The following EEFSEC variants were observed in gnomAD, a reference collection of about 807,000 sequenced individuals.
EEFSEC encodes selenocysteine-specific elongation factor.
Under a neutral mutation model 42.1 loss-of-function variants are expected in EEFSEC, and 43 were observed. The observed-to-expected ratio is 1.02, with a 90% CI of 0.80 to 1.32. The LOEUF is 1.32. EEFSEC is among the 40% of genes most tolerant of loss of function. The pLI, the probability that EEFSEC is intolerant of heterozygous loss-of-function variation, is 0.00. For missense variants in EEFSEC, 745 were observed against 803.6 expected, an observed-to-expected ratio of 0.93 and a Z score of 0.88; for synonymous variants, 354 against 339.1, an observed-to-expected ratio of 1.04 and a Z score of -0.48.
At chr3:128,178,330 A>G (rs1319618052) in intron 1 of EEFSEC, among the ~76,000 whole-genome samples, 1 of 152,202 alleles carries the variant, frequency 6.6e-6, no homozygotes, top group Non-Finnish European at 1.5e-5. Context: ...AACTGGAAGT[A>G]GTTTTGTTAA....
intron 1 of EEFSEC, among the ~76,000 whole-genome samples, chr3:128,228,587 G>A (rs1372483895): frequency 1.3e-5 from 2 of 151,874 alleles, no homozygotes; most frequent in South Asian, 2.1e-4. Flanking sequence ...TTGGGGAGTC[G>A]GTCTCTGACC....
downstream of EEFSEC, among the ~76,000 whole-genome samples, chr3:128,409,122 G>T (rs2068156411): frequency 6.6e-6 from 1 of 152,182 alleles, no homozygotes; most frequent in Non-Finnish European, 1.5e-5. Context: ...CCAGGCTGTG[G>T]GATACTCAGG....
At chr3:128,157,225 A>G (rs1379786261) in intron 1 of EEFSEC, among the ~76,000 whole-genome samples, 1 of 152,240 alleles carries the variant, frequency 6.6e-6, no homozygotes, top group Non-Finnish European at 1.5e-5. Context: ...AGAGGTAAGG[A>G]AGCTGCAGAA....
rs990911210 is a variant in EEFSEC at position 128,264,741 on chromosome 3, C to T, written c.746C>T (p.Ser249Phe). 1.9e-6 allele frequency: 3 copies of T among 1,614,056 alleles called. No homozygotes were observed. The African/African-American group carries it at 4.0e-5, about 22-fold the overall frequency. ...ATGACAGGGACCATCCTTTCAGGCT[C>T]CATCAGCCTCGGTGACAGTGTGGAG... ...TVMTGTILSGSISLGDSVEIP... is the reference protein window; with the variant it reads ...TVMTGTILSGFISLGDSVEIP... The change falls in exon 4 of 7, where the codon TCC (serine) becomes TTC (phenylalanine). Residue 249 changes from serine to phenylalanine, a missense_variant. Physicochemically the swap from Ser to Phe is radical, Grantham distance 155. Transcript: ENST00000254730.
downstream of EEFSEC, among the ~76,000 whole-genome samples, chr3:128,411,162 G>A (rs1485336375): frequency 6.6e-6 from 1 of 152,222 alleles, no homozygotes; most frequent in Admixed American, 6.5e-5. Context: ...GGCAGGAGCT[G>A]GTGCCAGCAC....
intron 4 of EEFSEC, among the ~76,000 whole-genome samples, chr3:128,291,249 A>T (rs536949252): frequency 6.6e-6 from 1 of 152,250 alleles, no homozygotes; most frequent in South Asian, 2.1e-4. Flanking sequence ...TGATTTATAT[A>T]TTTTGAGCAC....
At chr3:128,362,027 C>T (rs2067532153) in intron 6 of EEFSEC, 1 of 322,836 alleles carries the variant, frequency 3.1e-6, no homozygotes, top group South Asian at 2.3e-5. Flanking sequence ...TGTCACCTCA[C>T]CCCTCTCCAT....
intron 6 of EEFSEC, among the ~76,000 whole-genome samples, chr3:128,373,216 G>T (rs2067673397): frequency 6.6e-6 from 1 of 152,200 alleles, no homozygotes; most frequent in South Asian, 2.1e-4. Flanking sequence ...AGCACTTTAT[G>T]CTGAAAGAGA....
intron 5 of EEFSEC, among the ~76,000 whole-genome samples, chr3:128,347,688 T>C (rs777074585): frequency 6.6e-6 from 1 of 152,182 alleles, no homozygotes; most frequent in Non-Finnish European, 1.5e-5. Context: ...ATGCTAACGC[T>C]GAGAGATTGG....
intron 1 of EEFSEC, among the ~76,000 whole-genome samples, chr3:128,191,009 C>T (rs1003782286): frequency 7.2e-5 from 11 of 152,016 alleles, no homozygotes; most frequent in African/African-American, 2.7e-4. Flanking sequence ...GAGCAATAGG[C>T]TATTTCACAC....
the EEFSEC span, among the ~76,000 whole-genome samples, chr3:128,416,563 A>T: frequency 6.6e-6 from 1 of 152,026 alleles, no homozygotes; most frequent in Admixed American, 6.6e-5. Context: ...GTGAGGAGAG[A>T]GGCTTATGGG....
At chr3:128,340,003 A>C (rs1427776025) in intron 4 of EEFSEC, among the ~76,000 whole-genome samples, 1 of 152,142 alleles carries the variant, frequency 6.6e-6, no homozygotes, top group Non-Finnish European at 1.5e-5. Context: ...TCCCTCCCAC[A>C]ACACATGGGA....
chr3:128,289,555 T>C (rs1240491515), intron 4 of EEFSEC, among the ~76,000 whole-genome samples: 2 of 152,220 alleles, frequency 1.3e-5, no homozygotes, highest in Non-Finnish European at 2.9e-5. Context: ...ACCTAGATTT[T>C]GTCATTTTTA....
At chr3:128,154,981 A>G (rs1944349030) in intron 1 of EEFSEC, among the ~76,000 whole-genome samples, 1 of 152,210 alleles carries the variant, frequency 6.6e-6, no homozygotes, top group African/African-American at 2.4e-5. Flanking sequence ...TTATACATGT[A>G]ATACATGAAT....
At position 128,345,133 on chromosome 3, in the gene EEFSEC, G is replaced by C. The variant is rs932677410; in HGVS notation, c.1443+3244G>C. ...GCAGACCATGAGACTTCCATGTTAA[G>C]TGGGAATTTTCACAGTGCTGCACCA... On this transcript the variant is annotated intron_variant, in intron 5 of 6. Coordinates refer to ENST00000254730, the MANE Select transcript of EEFSEC (RefSeq NM_021937.5). 2.0e-5 allele frequency among the ~76,000 whole-genome samples: 3 copies of C among 152,234 alleles called. No individual in the cohort carries two copies. The East Asian group carries it at 5.8e-4, about 29-fold the overall frequency.
chr3:128,293,660 CAAAAAAAAAAA>C lies in EEFSEC; in HGVS notation c.786+28896_786+28906del, dbSNP rs759485696. ...TGGGCGACAAAGCAAGACTCTATCTCAAAAAAAAAAAAAAAAAAAAAAAAAAACTTCCCTTA... is the reference window on the plus strand; with the variant it reads ...TGGGCGACAAAGCAAGACTCTATCTCAAAAAAAAAAAAAAAACTTCCCTTA... On this transcript the variant is annotated intron_variant, in intron 4 of 6. Coordinates refer to ENST00000254730, the MANE Select transcript of EEFSEC (RefSeq NM_021937.5). Among the ~76,000 whole-genome samples, 9 of 14,142 alleles carry C rather than the reference CAAAAAAAAAAA, an allele frequency of 6.4e-4. 2 individuals carry two copies. The highest frequency in any genetic ancestry group is 1.6e-3 in the Non-Finnish European group (8 of 4,894). 9.3% of individuals were successfully genotyped at this position (14,142 alleles called of 152,430 possible). A position where few individuals can be genotyped will look rare whatever the true frequency, so the allele number is the denominator to read the frequency against.
At chr3:128,254,795 C>T (rs1168136879) in intron 2 of EEFSEC, among the ~76,000 whole-genome samples, 1 of 152,052 alleles carries the variant, frequency 6.6e-6, no homozygotes, top group Non-Finnish European at 1.5e-5. Flanking sequence ...GGGAGAGGGC[C>T]AGCACCTCAG....
chr3:128,371,187 G>A (rs2067649617), intron 6 of EEFSEC, among the ~76,000 whole-genome samples: 1 of 152,124 alleles, frequency 6.6e-6, no homozygotes, highest in African/African-American at 2.4e-5. Context: ...AGGCCCTGGG[G>A]AGCCTCCTTG....
intron 1 of EEFSEC, among the ~76,000 whole-genome samples, chr3:128,232,436 C>T (rs1361467646): frequency 1.3e-5 from 2 of 152,162 alleles, no homozygotes; most frequent in African/African-American, 4.8e-5. Flanking sequence ...GAAGAATTTC[C>T]TCTTACCCGG....
Sources: allele counts gnomAD v4.1 joint callset (sites outside exome capture counted in the v4.1 genomes callset), GRCh38; gene constraint gnomAD v4.1.1; transcripts MANE v1.5; gene names NCBI Gene and HGNC (gene_info 2026-07-23, HGNC 2026-07-21).